Variants in NAALADL2 observed in about 807,000 individuals in gnomAD.
NAALADL2 encodes N-acetylated alpha-linked acidic dipeptidase like 2.
Under a neutral mutation model 87.2 loss-of-function variants are expected in NAALADL2, and 76 were observed. That is an observed-to-expected ratio of 0.87 (90% CI 0.72 to 1.05). The LOEUF is 1.05. Among genes scored for constraint, NAALADL2 ranks in the 50% least tolerant of loss-of-function variants. The probability of loss-of-function intolerance (pLI) is 0.00; values close to 1 mark genes in which losing one functional copy is unlikely to be tolerated. For missense variants in NAALADL2, 1,089 were observed against 945.8 expected (o/e 1.15, Z -1.99); for synonymous variants, 354 against 331.0 (o/e 1.07, Z -0.75).
intron 2 of NAALADL2, among the ~76,000 whole-genome samples, chr3:174,618,474 A>C (rs908879726): frequency 6.6e-6 from 1 of 151,754 alleles, no homozygotes; most frequent in African/African-American, 2.4e-5. Flanking sequence ...TTTGTTTACT[A>C]TAACACAGCA....
intron 9 of NAALADL2, among the ~76,000 whole-genome samples, chr3:175,512,073 T>C (rs1437730490): frequency 6.6e-6 from 1 of 151,920 alleles, no homozygotes; most frequent in Non-Finnish European, 1.5e-5. Context: ...GTGACCCCCA[T>C]CTCTATGAAA....
chr3:174,787,593 A>G (rs1213801749), intron 3 of NAALADL2, among the ~76,000 whole-genome samples: 1 of 68,480 alleles, frequency 1.5e-5, no homozygotes, highest in Non-Finnish European at 3.2e-5. Flanking sequence ...ATATATATAT[A>G]TATATATATA....
chr3:175,557,224 T>C (rs2149504283), intron 9 of NAALADL2, among the ~76,000 whole-genome samples: 1 of 152,336 alleles, frequency 6.6e-6, no homozygotes, highest in African/African-American at 2.4e-5. Context: ...CAAATTTATC[T>C]CAACATTTCT....
chr3:175,731,472 T>C (rs549763531), intron 11 of NAALADL2, among the ~76,000 whole-genome samples: 10 of 152,302 alleles, frequency 6.6e-5, no homozygotes, highest in African/African-American at 2.2e-4. Flanking sequence ...GTTGTCAGGA[T>C]AATGAAATGA....
chr3:174,895,538 A>C (rs1260550064), intron 1 of NAALADL2, among the ~76,000 whole-genome samples: 3 of 152,146 alleles, frequency 2.0e-5, no homozygotes, highest in African/African-American at 7.2e-5. Context: ...CCATAATACA[A>C]ATTCTTCCAG....
At chr3:174,852,587 C>A (rs967867069) in intron 3 of NAALADL2, among the ~76,000 whole-genome samples, 1 of 152,044 alleles carries the variant, frequency 6.6e-6, no homozygotes, top group African/African-American at 2.4e-5. Context: ...TGGAAAGATA[C>A]TCCATGTTTA....
chr3:175,630,788 T>C (rs1027980011), intron 11 of NAALADL2, among the ~76,000 whole-genome samples: 2 of 151,548 alleles, frequency 1.3e-5, no homozygotes, highest in Admixed American at 6.6e-5. Flanking sequence ...AACATTCAGT[T>C]TTGAAATTTA....
intron 2 of NAALADL2, among the ~76,000 whole-genome samples, chr3:174,637,589 A>G (rs1722770998): frequency 6.6e-6 from 1 of 152,128 alleles, no homozygotes. Context: ...ACTGAAGAAT[A>G]TTTTTATTTG....
rs181140701 is a variant in NAALADL2, at chr3:174,816,020, A to G, written c.-9+78274A>G. 5.2e-3 allele frequency among the ~76,000 whole-genome samples: 788 copies of G among 152,054 alleles called. 4 individuals are homozygous for G. Among genetic ancestry groups the G allele is most frequent in the Non-Finnish European group, 6.6e-3 (452 of 67,972 alleles). Reference sequence around the variant, plus strand: ...GGATGCACAATTCAGCACTCAGCCCATAACAGACATTTGGATCCCTAAATT... The same window carrying G: ...GGATGCACAATTCAGCACTCAGCCCGTAACAGACATTTGGATCCCTAAATT... On this transcript the variant is annotated intron_variant, in intron 3 of 3. Coordinates refer to the NAALADL2 transcript ENST00000434257.
intron 1 of NAALADL2, among the ~76,000 whole-genome samples, chr3:174,460,295 A>T (rs1716132299): frequency 6.6e-6 from 1 of 152,070 alleles, no homozygotes; most frequent in Non-Finnish European, 1.5e-5. Flanking sequence ...GTATGGGAAA[A>T]ATTGAAGCAT....
chr3:175,493,739 T>G (rs1372610620), intron 9 of NAALADL2, among the ~76,000 whole-genome samples: 1 of 152,146 alleles, frequency 6.6e-6, no homozygotes, highest in East Asian at 1.9e-4. Flanking sequence ...ATGCAACTGT[T>G]TTTTCAATCT....
At chr3:174,745,598 AG>A in intron 3 of NAALADL2, among the ~76,000 whole-genome samples, 1 of 152,306 alleles carries the variant, frequency 6.6e-6, no homozygotes, top group Middle Eastern at 3.4e-3. Context: ...TGATGGCAGC[AG>A]CATCCTGACA....
intron 1 of NAALADL2, among the ~76,000 whole-genome samples, chr3:174,997,143 G>A (rs1451090293): frequency 2.6e-5 from 4 of 151,660 alleles, no homozygotes; most frequent in African/African-American, 9.7e-5. Context: ...AGCTATAAAT[G>A]TGTGTGCATG....
intron 12 of NAALADL2, among the ~76,000 whole-genome samples, chr3:175,740,314 G>T (rs1470496145): frequency 6.6e-6 from 1 of 152,152 alleles, no homozygotes; most frequent in Admixed American, 6.6e-5. Flanking sequence ...TAGTAGATTA[G>T]TATAAGCAAA....
chr3:175,774,006 C>T (rs552153839), intron 13 of NAALADL2, among the ~76,000 whole-genome samples: 1 of 152,134 alleles, frequency 6.6e-6, no homozygotes, highest in South Asian at 2.1e-4. Context: ...ACAATTGGAG[C>T]TTGAAGGTCA....
intron 2 of NAALADL2, among the ~76,000 whole-genome samples, chr3:174,721,568 G>T (rs1210344660): frequency 6.6e-6 from 1 of 152,164 alleles, no homozygotes; most frequent in Non-Finnish European, 1.5e-5. Context: ...ATAAAATAAC[G>T]TTTGTGTCTG....
chr3:174,704,493 A>T (rs1402867605), intron 2 of NAALADL2, among the ~76,000 whole-genome samples: 1 of 151,980 alleles, frequency 6.6e-6, no homozygotes, highest in African/African-American at 2.4e-5. Context: ...TGAATTATTA[A>T]TTATAAATTC....
intron 6 of NAALADL2, chr3:175,460,245 G>T: frequency 2.2e-6 from 1 of 453,078 alleles, no homozygotes. Flanking sequence ...TGTGATCATG[G>T]TGCTGACTCT....
intron 3 of NAALADL2, among the ~76,000 whole-genome samples, chr3:174,840,127 TAAAG>T (rs1210340084): frequency 2.0e-5 from 3 of 151,504 alleles, no homozygotes; most frequent in Admixed American, 6.6e-5. Flanking sequence ...AACGAGTGGA[TAAAG>T]AAACTGTGAT....
Sources: allele counts gnomAD v4.1 joint callset (sites outside exome capture counted in the v4.1 genomes callset), GRCh38; gene constraint gnomAD v4.1.1; transcripts MANE v1.5; gene names NCBI Gene and HGNC (gene_info 2026-07-23, HGNC 2026-07-21).